Variants in ABL2 observed in about 807,000 individuals in gnomAD.
The protein encoded by ABL2 is tyrosine-protein kinase ABL2.
A neutral mutation model predicts 107.7 loss-of-function variants in ABL2; 49 were observed. That is an observed-to-expected ratio of 0.45 (90% CI 0.36 to 0.58). ABL2 has a LOEUF of 0.58. Ranked by LOEUF, ABL2 falls within the 20% of genes least tolerant of loss-of-function variation. The probability of loss-of-function intolerance (pLI) is 0.00; values close to 1 mark genes in which losing one functional copy is unlikely to be tolerated. For synonymous variants in ABL2, 549 were observed against 548.6 expected, an observed-to-expected ratio of 1.00 and a Z score of -0.01; for missense variants, 1,245 against 1,457.0, an observed-to-expected ratio of 0.85 and a Z score of 2.37.
At chr1:179,110,553 A>G (rs1653953837) in intron 10 of ABL2, 98 bp from the exon 11 acceptor site, 17 of 1,521,350 alleles carry the variant, frequency 1.1e-5, no homozygotes, top group Non-Finnish European at 1.4e-5. Context: ...AGAACTGGCA[A>G]GTAGAGTACT....
Position 179,110,840 on chromosome 1 carries a change from G to C in ABL2, c.1652-385C>G, listed in dbSNP as rs759431973. 4 of 1,613,968 alleles carry C rather than the reference G, an allele frequency of 2.5e-6. No homozygotes were observed. The East Asian group carries it at 8.9e-5, about 36-fold the overall frequency. Reference sequence around the variant, plus strand: ...ATGCACGTCTGATTGGCACAATGTAGGAGAACTGGTGGATCACAGGGTATA... The same window carrying C: ...ATGCACGTCTGATTGGCACAATGTACGAGAACTGGTGGATCACAGGGTATA... On this transcript the variant is annotated intron_variant, in intron 10 of 11. Transcript: ENST00000502732.
rs573858421 is a variant in ABL2 at position 179,115,368 on chromosome 1, AC to A, written c.1409-339del. 1.6e-3 allele frequency among the ~76,000 whole-genome samples: 245 copies of A among 152,296 alleles called. 1 individual carries two copies. Among genetic ancestry groups the A allele is most frequent in the Non-Finnish European group, 1.8e-3 (121 of 68,026 alleles). ...GAAAAGTTTTTGATATACAGTAGTC[AC>A]CCCTTATCCATGGTTTCACTTCCCA... On this transcript the variant is annotated intron_variant, in intron 8 of 11. Transcript: ENST00000502732.
chr1:179,184,770 T>C (rs1045493836), intron 1 of ABL2, among the ~76,000 whole-genome samples: 2 of 152,146 alleles, frequency 1.3e-5, no homozygotes, highest in Non-Finnish European at 2.9e-5. Flanking sequence ...GTCTTTTTTT[T>C]CCCCCTCTTG....
At chr1:179,128,400 C>G (rs1304416696) in intron 3 of ABL2, among the ~76,000 whole-genome samples, 1 of 151,786 alleles carries the variant, frequency 6.6e-6, no homozygotes, top group Non-Finnish European at 1.5e-5. Flanking sequence ...TGTAGCTTTT[C>G]TCTGTTAGTC....
intron 1 of ABL2, among the ~76,000 whole-genome samples, chr1:179,178,258 T>C (rs1660159744): frequency 6.6e-6 from 1 of 151,698 alleles, no homozygotes; most frequent in Middle Eastern, 3.2e-3. Context: ...ATTAGCTGGG[T>C]GTGGTGGCAT....
At chr1:179,182,431 T>C (rs1660432862) in intron 1 of ABL2, among the ~76,000 whole-genome samples, 1 of 152,164 alleles carries the variant, frequency 6.6e-6, no homozygotes, top group Non-Finnish European at 1.5e-5. Flanking sequence ...TATGCTCTCC[T>C]CTCTTTTCAA....
intron 1 of ABL2, among the ~76,000 whole-genome samples, chr1:179,199,515 C>T (rs555962002): frequency 3.3e-5 from 5 of 152,244 alleles, no homozygotes; most frequent in Non-Finnish European, 5.9e-5. Flanking sequence ...TCCAATCTCT[C>T]TACATCTTCA....
At chr1:179,215,005 C>T (rs2636281) in intron 1 of ABL2, among the ~76,000 whole-genome samples, 45,544 of 151,724 alleles carry the variant, frequency 0.3, 7,731 homozygotes, top group East Asian at 0.43. Flanking sequence ...ACTAAAAATA[C>T]GAAAATTAGC....
chr1:179,137,579 G>C (rs1657155688), intron 1 of ABL2, among the ~76,000 whole-genome samples: 1 of 152,126 alleles, frequency 6.6e-6, no homozygotes, highest in Non-Finnish European at 1.5e-5. Flanking sequence ...ACAGTAAAAA[G>C]AACTTTGGTA....
chr1:179,167,569 C>A (rs1283884448), intron 1 of ABL2, among the ~76,000 whole-genome samples: 1 of 152,168 alleles, frequency 6.6e-6, no homozygotes, highest in African/African-American at 2.4e-5. Flanking sequence ...AAAAGAGGAT[C>A]TGAAATGTTC....
intron 1 of ABL2, chr1:179,221,270 G>C (rs905564425): frequency 6.3e-6 from 1 of 157,540 alleles, no homozygotes; most frequent in African/African-American, 2.4e-5. Flanking sequence ...AATCCAACGA[G>C]ATTTTTTAGA....
rs927128261 is a variant in ABL2, at chr1:179,102,958, C to T, written c.*4760G>A. The T allele has an allele frequency of 1.3e-5, 3 of 226,054 alleles. No individual in the cohort carries two copies. The highest frequency in any genetic ancestry group is 2.7e-3 in the Middle Eastern group (2 of 748). The allele number at this position is 226,054 out of a possible 1,614,324, so 14.0% of individuals were successfully genotyped here. A position where few individuals can be genotyped will look rare whatever the true frequency, so the allele number is the denominator to read the frequency against. On this transcript the variant is annotated 3_prime_UTR_variant, in exon 12 of 12. Transcript: ENST00000502732. The stretch of plus-strand genomic sequence containing the variant: ...CATCCACCTCCCCCTGTAAACCTAA[C>T]AAAACTATGCAGGACATAGGTTAAA...
chr1:179,112,403 G>T lies in ABL2; in HGVS notation c.1562-5C>A. The T allele has an allele frequency of 6.2e-7, 1 of 1,610,738 alleles. No homozygotes were observed. Among genetic ancestry groups the T allele is most frequent in the Non-Finnish European group, 8.5e-7 (1 of 1,177,916 alleles). ...CGGCAGGGCTCCACTTCCAGCCTAT[G>T]TAACAGAAGAAAAAATATTAAAAAC... is the stretch of plus-strand genomic sequence containing the variant. On this transcript the variant is annotated splice_polypyrimidine_tract_variant and splice_region_variant and intron_variant, in intron 9 of 11. Coordinates refer to ENST00000502732, the MANE Select transcript of ABL2 (RefSeq NM_007314.4).
chr1:179,214,519 C>CATATATATATATATATATAT (rs59744061), intron 1 of ABL2, among the ~76,000 whole-genome samples: 71 of 122,122 alleles, frequency 5.8e-4, no homozygotes, highest in South Asian at 1.5e-3. Context: ...TTTAAAATGA[C>CATATATATATATATATATAT]ATATATATAT....
chr1:179,222,764 A>C (rs775988449), intron 1 of ABL2, among the ~76,000 whole-genome samples: 6 of 152,068 alleles, frequency 3.9e-5, no homozygotes, highest in Non-Finnish European at 8.8e-5. Context: ...GATCCTTTAA[A>C]GATGATATTC....
intron 1 of ABL2, among the ~76,000 whole-genome samples, chr1:179,175,541 C>G (rs1659990529): frequency 1.3e-5 from 2 of 152,306 alleles, no homozygotes; most frequent in Non-Finnish European, 2.9e-5. Context: ...TTACAACAGA[C>G]AAGTCTGAAG....
intron 11 of ABL2, among the ~76,000 whole-genome samples, chr1:179,110,024 TCTC>T (rs1653888625): frequency 6.6e-6 from 1 of 152,128 alleles, no homozygotes; most frequent in African/African-American, 2.4e-5. Context: ...CGCAACCTCT[TCTC>T]CTCTATCGGG....
In ABL2 at chr1:179,169,648, A is replaced by T. The variant is rs191802695; in HGVS notation, c.158-36274T>A. Among the ~76,000 whole-genome samples, 532 of 152,284 alleles carry T rather than the reference A, an allele frequency of 3.5e-3. 3 individuals are homozygous for T. Among genetic ancestry groups the T allele is most frequent in the African/African-American group, 0.012 (506 of 41,570 alleles). Reference sequence around the variant, plus strand: ...AATAACCTGAGGTAGTTCTTGTTGAATTATTTAAGAACAAAATTTTAATTC... The same window carrying T: ...AATAACCTGAGGTAGTTCTTGTTGATTTATTTAAGAACAAAATTTTAATTC... On this transcript the variant is annotated intron_variant, in intron 1 of 11. Transcript: ENST00000502732.
intron 1 of ABL2, among the ~76,000 whole-genome samples, chr1:179,208,117 T>C (rs1662077293): frequency 6.6e-6 from 1 of 152,224 alleles, no homozygotes; most frequent in Non-Finnish European, 1.5e-5. Context: ...GTTATATTTA[T>C]TAACCTTTAA....
Sources: allele counts gnomAD v4.1 joint callset (sites outside exome capture counted in the v4.1 genomes callset), GRCh38; gene constraint gnomAD v4.1.1; transcripts MANE v1.5; gene names NCBI Gene and HGNC (gene_info 2026-07-23, HGNC 2026-07-21).